DHPS: variants seen among roughly 807,000 people sequenced by gnomAD.
DHPS encodes the protein deoxyhypusine synthase, also known as migration-inducing gene 13.
Under a neutral mutation model 38.7 loss-of-function variants are expected in DHPS, and 24 were observed. That is an observed-to-expected ratio of 0.62 (90% CI 0.45 to 0.87). The LOEUF is 0.87. DHPS is among the 40% of genes least tolerant of loss of function. DHPS has a pLI of 0.00. For missense variants in DHPS, 510 were observed against 497.6 expected (o/e 1.02, Z -0.24); for synonymous variants, 250 against 204.4 (o/e 1.22, Z -1.90).
Position 12,681,661 on chromosome 19 carries a change from AGTC to A in DHPS, c.103_105del (p.Asp35del), listed in dbSNP as rs2024820192. On this transcript the variant is annotated inframe_deletion, in exon 1 of 9. Transcript: ENST00000210060. ...GCGCGGTAATTCACACCGCGGTTGA[AGTC>A]GTAGCCCCGGACCTGGGTGCTTTCG... is the stretch of plus-strand genomic sequence containing the variant. 3.7e-6 allele frequency: 6 copies of A among 1,614,118 alleles called. No homozygotes were observed. The highest frequency in any genetic ancestry group is 5.1e-6 in the Non-Finnish European group (6 of 1,180,056).
At chr19:12,678,291 G>A (rs1318344647) in intron 5 of DHPS, among the ~76,000 whole-genome samples, 3 of 151,538 alleles carry the variant, frequency 2.0e-5, no homozygotes, top group Admixed American at 2.0e-4. Context: ...TGTGCAACAT[G>A]GTGAGTTCCC....
At chr19:12,675,164 C>G (rs1412579884), downstream of DHPS, among the ~76,000 whole-genome samples, 1 of 152,108 alleles carries the variant, frequency 6.6e-6, no homozygotes, top group East Asian at 1.9e-4. Flanking sequence ...TGGTGGCTCA[C>G]ACCTGTAGTC....
chr19:12,681,712 T>TTA lies in DHPS; in HGVS notation c.53_54dup (p.Lys19Ter). ...TCGGGCGGCAACGTCGAGCTGTGCT[T>TTA]TAGCACGGCGGCCAGCGCCCCCGCT... is the stretch of plus-strand genomic sequence containing the variant. On this transcript the variant is annotated frameshift_variant, in exon 1 of 9. Transcript: ENST00000210060. LOFTEE classifies it high-confidence loss of function. 1 of 1,613,718 alleles carries TTA rather than the reference T, an allele frequency of 6.2e-7. No individual in the cohort carries two copies. The highest frequency in any genetic ancestry group is 8.5e-7 in the Non-Finnish European group (1 of 1,180,006).
chr19:12,676,233 G>T (rs1171139851), intron 7 of DHPS, 91 bp from the exon 8 acceptor site: 1 of 1,438,278 alleles, frequency 7.0e-7, no homozygotes, highest in South Asian at 1.4e-5. Context: ...AGGCTGAGAG[G>T]TGTGTCCCAG....
At chr19:12,681,466 T>C (rs1044141223) in intron 1 of DHPS, 94 bp downstream of exon 1, 1 of 1,394,732 alleles carries the variant, frequency 7.2e-7, no homozygotes, top group South Asian at 1.2e-5. Context: ...AAAAGACATA[T>C]CCCCTCCACT....
In DHPS at chr19:12,675,948, A is replaced by G. The variant is rs574388026; in HGVS notation, c.1015-15T>C. 7.5e-6 allele frequency: 12 copies of G among 1,602,496 alleles called. No individual in the cohort carries two copies. Among genetic ancestry groups the G allele is most frequent in the Middle Eastern group, 1.7e-4 (1 of 6,004 alleles). On this transcript the variant is annotated splice_polypyrimidine_tract_variant and intron_variant, in intron 8 of 8. Transcript: ENST00000210060. Reference sequence around the variant, plus strand: ...TCAGCATAGACCTGGGTAGGGGGGAACCTGGGTAAGCCATGGGACCCACAC... The same window carrying G: ...TCAGCATAGACCTGGGTAGGGGGGAGCCTGGGTAAGCCATGGGACCCACAC...
downstream of DHPS, chr19:12,675,471 A>G: frequency 6.3e-7 from 1 of 1,577,242 alleles, no homozygotes; most frequent in Non-Finnish European, 8.6e-7. Flanking sequence ...GACCTCAGAA[A>G]CCAGGGTACA....
Position 12,680,178 on chromosome 19 carries a change from G to A in DHPS, c.355C>T (p.Leu119Phe). The change falls in exon 2 of 9, where the codon CTT (leucine) becomes TTT (phenylalanine). Residue 119 changes from leucine (L) to phenylalanine (F), a missense_variant. Transcript: ENST00000210060. Reference sequence around the variant, plus strand: ...GTCCCCACCATGTTGTGCTGCACAAGGTAGCGAATGGTCTCACGGATGCCT... The same window carrying A: ...GTCCCCACCATGTTGTGCTGCACAAAGTAGCGAATGGTCTCACGGATGCCT... ...SSGIRETIRYLVQHNMVDVLV... is the reference protein window; with the variant it reads ...SSGIRETIRYFVQHNMVDVLV... 1.2e-6 allele frequency: 2 copies of A among 1,614,186 alleles called. No individual in the cohort carries two copies.
chr19:12,675,451 G>T, downstream of DHPS: 4 of 1,555,380 alleles, frequency 2.6e-6, no homozygotes, highest in Admixed American at 5.4e-5. Flanking sequence ...TGAGATGGGG[G>T]GTGCCCAGGG....
chr19:12,674,890 T>G (rs985170533), downstream of DHPS, among the ~76,000 whole-genome samples: 1 of 132,388 alleles, frequency 7.6e-6, no homozygotes. Flanking sequence ...CCGAGGGGGG[T>G]GGATCACGAG....
chr19:12,680,167 G>A lies in DHPS; in HGVS notation c.366C>T (p.His122=), dbSNP rs1196558498. 6.2e-7 allele frequency: 1 copy of A among 1,614,168 alleles called. No individual in the cohort carries two copies. The highest frequency in any genetic ancestry group is 1.7e-5 in the Admixed American group (1 of 60,004). ...IRETIRYLVQ[H]NMVDVLVTTA... ...GGCCTCACCAGGTCCCCACCATGTT[G>A]TGCTGCACAAGGTAGCGAATGGTCT... The change falls in exon 2 of 9, where the codon CAC becomes CAT. Residue 122 remains histidine (H), a synonymous_variant. Transcript: ENST00000210060.
chr19:12,681,851 G>C lies in DHPS; in HGVS notation c.-85C>G, dbSNP rs1358893325. 2.5e-6 allele frequency: 3 copies of C among 1,201,646 alleles called. No individual in the cohort carries two copies. The highest frequency in any genetic ancestry group is 3.6e-6 in the Non-Finnish European group (3 of 844,350). The allele number at this position is 1,201,646 out of a possible 1,614,324, so 74.4% of individuals were successfully genotyped here. A position where few individuals can be genotyped will look rare whatever the true frequency, so the allele number is the denominator to read the frequency against. Reference sequence around the variant, plus strand: ...AAACGCGTTAAACCCCGACGCGCGCGTCTCCGCAAGAGCACAGGAAGTAGG... The same window carrying C: ...AAACGCGTTAAACCCCGACGCGCGCCTCTCCGCAAGAGCACAGGAAGTAGG... On this transcript the variant is annotated 5_prime_UTR_variant, in exon 1 of 9. Coordinates refer to ENST00000210060, the MANE Select transcript of DHPS (RefSeq NM_001930.4).
At chr19:12,680,680 C>T (rs1221093111) in intron 1 of DHPS, among the ~76,000 whole-genome samples, 1 of 150,648 alleles carries the variant, frequency 6.6e-6, no homozygotes, top group South Asian at 2.1e-4. Context: ...ACTACAGGCG[C>T]GCACCACCAT....
At chr19:12,678,269 AAAG>A (rs944826615) in intron 5 of DHPS, among the ~76,000 whole-genome samples, 14 of 151,980 alleles carry the variant, frequency 9.2e-5, no homozygotes, top group African/African-American at 2.9e-4. Flanking sequence ...AAAAAAAAAA[AAAG>A]AGCCAGCTTG....
At chr19:12,680,439 G>A (rs986149476) in intron 1 of DHPS, 114 bp from the exon 2 acceptor site, 20 of 1,128,168 alleles carry the variant, frequency 1.8e-5, no homozygotes, top group Middle Eastern at 2.1e-4. Context: ...AGGGATACAG[G>A]ACCAGTTCTA....
chr19:12,679,635 C>G lies in DHPS; in HGVS notation c.579G>C (p.Glu193Asp), dbSNP rs369762536. Reference sequence around the variant, plus strand: ...GCCCCAGCCCCACCTCTGTGTTCTGCTCCATCACCATCTGGTCCAGAATGG... The same window carrying G: ...GCCCCAGCCCCACCTCTGTGTTCTGGTCCATCACCATCTGGTCCAGAATGG... ...LMPILDQMVMEQNTEGVKWTP... is the reference protein window; with the variant it reads ...LMPILDQMVMDQNTEGVKWTP... Residue 193 changes from glutamate (E) to aspartate (D), a missense_variant, in exon 4 of 9, where the codon GAG (glutamate) becomes GAC (aspartate). Glu to Asp is a conservative substitution (Grantham distance 45). Coordinates refer to ENST00000210060, the MANE Select transcript of DHPS (RefSeq NM_001930.4). 2 of 1,614,084 alleles carry G rather than the reference C, an allele frequency of 1.2e-6. No homozygotes were observed. The highest frequency in any genetic ancestry group is 1.1e-5 in the South Asian group (1 of 91,090).
At chr19:12,680,128 G>A (rs781639797) in intron 2 of DHPS, 33 bp downstream of exon 2, 2 of 1,610,992 alleles carry the variant, frequency 1.2e-6, no homozygotes, top group African/African-American at 2.7e-5. Context: ...CATTGACCCA[G>A]AGGCCAAGGC....
chr19:12,673,300 T>C, downstream of DHPS: 1 of 1,614,020 alleles, frequency 6.2e-7, no homozygotes, highest in Non-Finnish European at 8.5e-7. Context: ...AAGGTGTTCT[T>C]CTGGGACCTG....
intron 5 of DHPS, 87 bp downstream of exon 5, chr19:12,679,353 GAGGATGCTGAGAATAAC>G: frequency 9.0e-7 from 1 of 1,111,014 alleles, no homozygotes; most frequent in Non-Finnish European, 1.4e-6. Context: ...ATCTAAGAGT[GAGGATGCTGAGAATAAC>G]AGTACTGAAT....
Sources: allele counts gnomAD v4.1 joint callset (sites outside exome capture counted in the v4.1 genomes callset), GRCh38; gene constraint gnomAD v4.1.1; transcripts MANE v1.5; gene names NCBI Gene and HGNC (gene_info 2026-07-23, HGNC 2026-07-21).